Variants in PCDH15 observed in about 807,000 individuals in gnomAD.
PCDH15 encodes protocadherin-15.
A neutral mutation model predicts 178.5 loss-of-function variants in PCDH15; 129 were observed. That is an observed-to-expected ratio of 0.72 (90% confidence interval 0.63 to 0.84). The LOEUF is 0.84. Among genes scored for constraint, PCDH15 ranks in the 40% least tolerant of loss-of-function variants. The probability of loss-of-function intolerance (pLI) is 0.00; values close to 1 mark genes in which losing one functional copy is unlikely to be tolerated. For missense variants in PCDH15, 2,230 were observed against 2,099.9 expected (o/e 1.06, Z -1.21); for synonymous variants, 800 against 732.0 (o/e 1.09, Z -1.50).
At chr10:55,341,793 ATATATATATATATTTTT>A (rs1178989370) in intron 2 of PCDH15, among the ~76,000 whole-genome samples, 1 of 12,900 alleles carries the variant, frequency 7.8e-5, no homozygotes, top group African/African-American at 3.3e-4. Context: ...ATATATATAT[ATATATATATATATTTTT>A]TTTTTTTTTT....
chr10:55,433,617 G>C (rs1838945272), intron 2 of PCDH15, among the ~76,000 whole-genome samples: 1 of 152,046 alleles, frequency 6.6e-6, no homozygotes, highest in African/African-American at 2.4e-5. Context: ...GACATTTTCT[G>C]TTTTGTGTAA....
intron 28 of PCDH15, among the ~76,000 whole-genome samples, chr10:53,845,246 GAGA>G (rs1384752769): frequency 6.6e-5 from 10 of 151,954 alleles, no homozygotes; most frequent in Middle Eastern, 3.4e-3. Context: ...TAAGGATATG[GAGA>G]AGGAGGAACA....
intron 2 of PCDH15, among the ~76,000 whole-genome samples, chr10:55,615,866 A>T (rs574433479): frequency 6.6e-6 from 1 of 152,278 alleles, no homozygotes; most frequent in East Asian, 1.9e-4. Context: ...CCATCGCTGC[A>T]GCCTGGGCGA....
At chr10:55,544,178 T>C (rs1226698683) in intron 2 of PCDH15, among the ~76,000 whole-genome samples, 3 of 102,448 alleles carry the variant, frequency 2.9e-5, no homozygotes, top group Non-Finnish European at 4.6e-5. Context: ...ATATATATTA[T>C]ACTGACAGTA....
chr10:53,923,835 T>C (rs2084220044), intron 25 of PCDH15, among the ~76,000 whole-genome samples: 1 of 152,258 alleles, frequency 6.6e-6, no homozygotes, highest in African/African-American at 2.4e-5. Context: ...TTTTTTCCAC[T>C]GGTCTCTTAA....
rs1838119500 is a variant in PCDH15 at position 55,133,833 on chromosome 10, T to C, written c.-80+32743A>G. ...CATAAAGAAATCCTGTTAGAGACCA[T>C]TGGCTCTATCTTCAAAATGATCTGG... On this transcript the variant is annotated intron_variant, in intron 2 of 5. Coordinates refer to the PCDH15 transcript ENST00000458638. Among the ~76,000 whole-genome samples, 7 of 152,048 alleles carry C rather than the reference T, an allele frequency of 4.6e-5. 1 individual carries two copies. In the South Asian group the frequency reaches 1.5e-3, roughly 32 times the overall value.
intron 1 of PCDH15, among the ~76,000 whole-genome samples, chr10:55,254,873 T>C (rs540509819): frequency 5.3e-5 from 8 of 152,178 alleles, no homozygotes; most frequent in Non-Finnish European, 1.0e-4. Flanking sequence ...TCAAGTTGTT[T>C]TGGAAACAGT....
intron 1 of PCDH15, among the ~76,000 whole-genome samples, chr10:54,742,960 T>A (rs887724237): frequency 2.0e-5 from 3 of 152,028 alleles, no homozygotes; most frequent in Non-Finnish European, 4.4e-5. Flanking sequence ...ACCATAAGTC[T>A]GGTAAAAGTT....
intron 3 of PCDH15, among the ~76,000 whole-genome samples, chr10:54,486,725 T>A (rs2079132243): frequency 6.6e-6 from 1 of 152,056 alleles, no homozygotes; most frequent in Non-Finnish European, 1.5e-5. Flanking sequence ...GCTCAGTTAT[T>A]TGTGATGTTA....
chr10:55,081,060 T>A lies in PCDH15; in HGVS notation c.-80+85516A>T, dbSNP rs536721598. Among the ~76,000 whole-genome samples the A allele has an allele frequency of 2.6e-5, 4 of 152,166 alleles. No homozygotes were observed. In the East Asian group the frequency reaches 7.8e-4, roughly 30 times the overall value. On this transcript the variant is annotated intron_variant, in intron 2 of 5. Transcript: ENST00000458638. ...GTCTCCAGATCAGTGCCCATGCTAG[T>A]TTTAGTATTCATGTGCACAGAGGAG...
chr10:55,362,322 C>T (rs1453775215), intron 2 of PCDH15, among the ~76,000 whole-genome samples: 1 of 152,056 alleles, frequency 6.6e-6, no homozygotes, highest in East Asian at 1.9e-4. Flanking sequence ...ATATTTATGG[C>T]ACATTCATAC....
intron 3 of PCDH15, among the ~76,000 whole-genome samples, chr10:54,833,614 TGAC>T (rs1422094879): frequency 6.6e-6 from 1 of 152,196 alleles, no homozygotes; most frequent in Non-Finnish European, 1.5e-5. Context: ...ATATTGGACT[TGAC>T]AGCCCTCACA....
At chr10:54,233,192 T>C (rs186386605) in intron 9 of PCDH15, among the ~76,000 whole-genome samples, 1 of 152,198 alleles carries the variant, frequency 6.6e-6, no homozygotes, top group Admixed American at 6.5e-5. Context: ...AATCCAACTG[T>C]CTCGGCCTCC....
chr10:54,527,511 C>T lies in PCDH15; in HGVS notation c.157+301G>A, dbSNP rs79201822. 0.013 allele frequency among the ~76,000 whole-genome samples: 1,954 copies of T among 152,220 alleles called. 32 individuals are homozygous for T. Among genetic ancestry groups the T allele is most frequent in the African/African-American group, 0.044 (1,839 of 41,550 alleles). On this transcript the variant is annotated intron_variant, in intron 3 of 37. Transcript: ENST00000644397. ...GTTGTGTTTCTGTTAGATGACTATA[C>T]ACATGATAGTCAACTTCCAGCCCAT...
chr10:54,757,893 C>T (rs1947370652), intron 1 of PCDH15, among the ~76,000 whole-genome samples: 1 of 152,034 alleles, frequency 6.6e-6, no homozygotes, highest in African/African-American at 2.4e-5. Flanking sequence ...TCAAAAGAAA[C>T]AGATTCCTCA....
chr10:54,655,300 G>GAGAC lies in PCDH15; in HGVS notation c.91+8868_91+8871dup, dbSNP rs1555126842. 4.6e-4 allele frequency among the ~76,000 whole-genome samples: 51 copies of GAGAC among 111,382 alleles called. 2 individuals carry two copies. The highest frequency in any genetic ancestry group is 1.8e-3 in the Admixed American group (20 of 11,148). 73.1% of individuals were successfully genotyped at this position (111,382 alleles called of 152,430 possible). On this transcript the variant is annotated intron_variant, in intron 2 of 37. Transcript: ENST00000644397. Reference sequence around the variant, plus strand: ...AGAGAGAGAGAGAGAGAGAGAGAGAGAGACAGAGAGAGAGACAGAGAAAGA... The same window carrying GAGAC: ...AGAGAGAGAGAGAGAGAGAGAGAGAGAGACAGACAGAGAGAGAGACAGAGAAAGA...
At chr10:54,285,370 C>T (rs928314606) in intron 8 of PCDH15, among the ~76,000 whole-genome samples, 4 of 151,674 alleles carry the variant, frequency 2.6e-5, no homozygotes, top group Admixed American at 1.3e-4. Context: ...ACTCAAACAA[C>T]TCAATAGCAA....
rs370843522 is a variant in PCDH15, at chr10:55,272,630, G to A, written c.-156+46969C>T. Among the ~76,000 whole-genome samples the A allele has an allele frequency of 5.2e-4, 79 of 151,888 alleles. No homozygotes were observed. The East Asian group carries it at 0.014, about 27-fold the overall frequency. On this transcript the variant is annotated intron_variant, in intron 1 of 5. Transcript: ENST00000458638. Reference sequence around the variant, plus strand: ...ACTCCTGATCTCAAGTAATCTGCCCGCCCACCTCGGCCTCCCAAAGTATTG... The same window carrying A: ...ACTCCTGATCTCAAGTAATCTGCCCACCCACCTCGGCCTCCCAAAGTATTG...
intron 2 of PCDH15, among the ~76,000 whole-genome samples, chr10:55,503,405 T>A: frequency 6.7e-6 from 1 of 148,596 alleles, no homozygotes; most frequent in Non-Finnish European, 1.5e-5. Context: ...AATTATATTG[T>A]ATTAATTAAA....
Sources: gnomAD v4.1 joint callset for allele counts (sites outside exome capture counted in the v4.1 genomes callset) on GRCh38, gnomAD v4.1.1 for gene constraint, MANE v1.5 for transcripts, NCBI Gene and HGNC (gene_info 2026-07-23, HGNC 2026-07-21) for gene names.